JAKMIP3: variants seen among roughly 807,000 people sequenced by gnomAD.
JAKMIP3 encodes the protein janus kinase and microtubule-interacting protein 3.
JAKMIP3 carries 58 observed loss-of-function variants against 118.5 expected under a neutral mutation model. The ratio of observed to expected loss-of-function variants is 0.49; its 90% CI spans 0.40 to 0.61. The LOEUF is 0.61. Among genes scored for constraint, JAKMIP3 ranks in the 20% least tolerant of loss-of-function variants. The pLI, the probability that JAKMIP3 is intolerant of heterozygous loss-of-function variation, is 0.00. For missense variants in JAKMIP3, 950 were observed against 1,109.0 expected (o/e 0.86, Z 2.04); for synonymous variants, 486 against 451.2 (o/e 1.08, Z -0.98).
At chr10:132,071,950 T>C (rs1489315444) in intron 1 of JAKMIP3, among the ~76,000 whole-genome samples, 1 of 150,784 alleles carries the variant, frequency 6.6e-6, no homozygotes, top group African/African-American at 2.4e-5. Context: ...TTTTCCTTTC[T>C]TTCTTTCCTT....
At chr10:132,076,414 C>T (rs966740666) in intron 1 of JAKMIP3, among the ~76,000 whole-genome samples, 3 of 152,280 alleles carry the variant, frequency 2.0e-5, no homozygotes, top group African/African-American at 7.2e-5. Flanking sequence ...CACGAGTTGA[C>T]TGACGTTTGG....
At chr10:132,180,539 GTGTGTGCGTGCGTGCA>G (rs1219146515) in intron 23 of JAKMIP3, among the ~76,000 whole-genome samples, 16 of 34,870 alleles carry the variant, frequency 4.6e-4, no homozygotes, top group East Asian at 1.9e-3. Context: ...GTGTGTGTGT[GTGTGTGCGTGCGTGCA>G]TGCGTGTGTG....
At chr10:132,041,638 C>T (rs1315150382) in intron 1 of JAKMIP3, among the ~76,000 whole-genome samples, 2 of 152,244 alleles carry the variant, frequency 1.3e-5, no homozygotes, top group African/African-American at 4.8e-5. Flanking sequence ...CATTGAGCAC[C>T]ACGGTCAGGA....
At chr10:132,069,279 G>A (rs2039438372) in intron 1 of JAKMIP3, among the ~76,000 whole-genome samples, 1 of 152,130 alleles carries the variant, frequency 6.6e-6, no homozygotes, top group African/African-American at 2.4e-5. Flanking sequence ...GAGGGGTCTG[G>A]AGGCCTCGGT....
intron 5 of JAKMIP3, among the ~76,000 whole-genome samples, 166 bp from the exon 6 acceptor site, chr10:132,135,764 C>A (rs1476131122): frequency 6.6e-6 from 1 of 151,774 alleles, no homozygotes; most frequent in East Asian, 1.9e-4. Context: ...GTGGGTTCAC[C>A]CGGGCGCTGG....
chr10:132,151,870 C>G (rs2056281330), intron 16 of JAKMIP3, among the ~76,000 whole-genome samples: 1 of 152,228 alleles, frequency 6.6e-6, no homozygotes, highest in Admixed American at 6.5e-5. Context: ...GCTCAGGGGA[C>G]CTGTGGAGAT....
At chr10:132,097,929 C>CTT (rs1395754610) in intron 1 of JAKMIP3, among the ~76,000 whole-genome samples, 4 of 23,530 alleles carry the variant, frequency 1.7e-4, no homozygotes, top group Non-Finnish European at 3.1e-4. Flanking sequence ...CCTTTCCTTC[C>CTT]CCTTCCCCTT....
intron 23 of JAKMIP3, among the ~76,000 whole-genome samples, chr10:132,175,863 C>G (rs1454082030): frequency 6.6e-6 from 1 of 152,198 alleles, no homozygotes; most frequent in African/African-American, 2.4e-5. Context: ...CATCATAGAC[C>G]AGTGAAATTG....
In JAKMIP3 at chr10:132,057,573, G is replaced by A. The variant is rs7085656; in HGVS notation, c.-138+20835G>A. On this transcript the variant is annotated intron_variant, in intron 1 of 23. Coordinates refer to the JAKMIP3 transcript ENST00000657785. ...CACAGAGTGCATTTAGGAGGGCCCCGGCATGTGGCACAGGCCCCACGAGGC... is the reference window on the plus strand; with the variant it reads ...CACAGAGTGCATTTAGGAGGGCCCCAGCATGTGGCACAGGCCCCACGAGGC... Among the ~76,000 whole-genome samples, 1,521 of 152,318 alleles carry A rather than the reference G, an allele frequency of 1.0e-2. 22 individuals are homozygous for A. The highest frequency in any genetic ancestry group is 0.033 in the African/African-American group (1,361 of 41,572).
chr10:132,114,273 T>C (rs959126152), intron 2 of JAKMIP3, among the ~76,000 whole-genome samples: 2 of 152,242 alleles, frequency 1.3e-5, no homozygotes, highest in African/African-American at 4.8e-5. Flanking sequence ...TATAGTGCAG[T>C]GGTGCGATCA....
rs959453672 is a variant in JAKMIP3, at chr10:132,166,975, C to T, written c.2491-8C>T. On this transcript the variant is annotated splice_region_variant and splice_polypyrimidine_tract_variant and intron_variant, in intron 21 of 23. Coordinates refer to ENST00000684848, the MANE Select transcript of JAKMIP3 (RefSeq NM_001323087.2). ...TTCCGTTTCTCCATCCTCCCCTTTC[C>T]GTTTCAGTTTCTATTTTTGTTCTTA... The T allele has an allele frequency of 7.8e-6, 12 of 1,535,170 alleles. No homozygotes were observed. The highest frequency in any genetic ancestry group is 3.6e-5 in the South Asian group (3 of 83,576).
At chr10:132,061,217 GCGCACACA>G (rs1291085678), upstream of JAKMIP3, among the ~76,000 whole-genome samples, 18 of 36,536 alleles carry the variant, frequency 4.9e-4, no homozygotes, top group South Asian at 0.017. Context: ...TGCCGTGACG[GCGCACACA>G]TACACCTGCC....
intron 1 of JAKMIP3, among the ~76,000 whole-genome samples, chr10:132,051,223 T>A (rs2038095922): frequency 6.6e-6 from 1 of 151,364 alleles, no homozygotes; most frequent in Admixed American, 6.6e-5. Flanking sequence ...TTGGTCTTGT[T>A]AATTCCAGCC....
At chr10:132,137,193 C>T in intron 7 of JAKMIP3, 43 bp downstream of exon 7, 1 of 1,613,920 alleles carries the variant, frequency 6.2e-7, no homozygotes, top group Non-Finnish European at 8.5e-7. Context: ...CTCTGGCTCC[C>T]AAGGGGCTTG....
chr10:132,124,831 G>C lies in JAKMIP3; in HGVS notation c.633+7257G>C, dbSNP rs988386657. On this transcript the variant is annotated intron_variant, in intron 3 of 23. Coordinates refer to ENST00000684848, the MANE Select transcript of JAKMIP3 (RefSeq NM_001323087.2). ...CTCAAGACAGAAGAGCCATTCGGCT[G>C]GTGGGCAGAGCCCCCTCTCGTTCTA... Among the ~76,000 whole-genome samples the C allele has an allele frequency of 3.3e-5, 5 of 152,364 alleles. No individual in the cohort carries two copies. The East Asian group carries it at 9.6e-4, about 29-fold the overall frequency.
intron 1 of JAKMIP3, among the ~76,000 whole-genome samples, chr10:132,097,967 T>TG (rs2044223491): frequency 4.4e-5 from 1 of 22,616 alleles, no homozygotes; most frequent in Non-Finnish European, 1.1e-4. Context: ...TTCCCTTTCC[T>TG]TCCTTTTCTC....
At chr10:132,064,566 A>G (rs1406760144), upstream of JAKMIP3, among the ~76,000 whole-genome samples, 3 of 152,180 alleles carry the variant, frequency 2.0e-5, no homozygotes, top group Non-Finnish European at 4.4e-5. The surrounding 1 kb of genome is among the most constrained non-coding windows in gnomAD (Gnocchi z 4.4). Context: ...GGGCAGCCGC[A>G]TGGCCTCTTG....
intron 1 of JAKMIP3, among the ~76,000 whole-genome samples, chr10:132,095,482 T>C (rs1383947476): frequency 6.6e-6 from 1 of 152,190 alleles, no homozygotes; most frequent in African/African-American, 2.4e-5. Flanking sequence ...GACCTTCAGG[T>C]TCTGCAGTGG....
At chr10:132,067,406 C>T (rs962270903) in intron 1 of JAKMIP3, among the ~76,000 whole-genome samples, 4 of 152,298 alleles carry the variant, frequency 2.6e-5, no homozygotes, top group South Asian at 4.2e-4. Context: ...GCTTCTCTCC[C>T]GACAGCCCTG....
Sources: allele counts gnomAD v4.1 joint callset (sites outside exome capture counted in the v4.1 genomes callset), GRCh38; gene constraint gnomAD v4.1.1; non-coding constraint Gnocchi (gnomAD v3.1); transcripts MANE v1.5; gene names NCBI Gene and HGNC (gene_info 2026-07-23, HGNC 2026-07-21).